The following ARHGAP35 variants were observed in gnomAD, a reference collection of about 807,000 sequenced individuals.
The protein encoded by ARHGAP35 is rho GTPase-activating protein 35.
Under a neutral mutation model 111.1 loss-of-function variants are expected in ARHGAP35, and 15 were observed. The observed-to-expected ratio is 0.13, with a 90% CI of 0.09 to 0.21. The LOEUF (loss-of-function observed/expected upper bound fraction) is 0.21. ARHGAP35 is among the 10% of genes least tolerant of loss of function. The pLI is 1.00. For missense variants in ARHGAP35, 1,262 were observed against 1,873.0 expected (o/e 0.67, Z 6.02); for synonymous variants, 643 against 710.3 (o/e 0.91, Z 1.51).
chr19:46,924,127 T>G (rs2056224938), intron 2 of ARHGAP35, among the ~76,000 whole-genome samples: 1 of 152,204 alleles, frequency 6.6e-6, no homozygotes, highest in African/African-American at 2.4e-5. Context: ...ACAGAGTTAC[T>G]TGTCTGAAAG....
At chr19:46,868,514 A>T (rs914772053) in intron 1 of ARHGAP35, among the ~76,000 whole-genome samples, 1 of 152,208 alleles carries the variant, frequency 6.6e-6, no homozygotes, top group Admixed American at 6.5e-5. Context: ...GTTCCATATC[A>T]CAGTATTTTG....
rs906859420 is a variant in ARHGAP35 at position 46,993,048 on chromosome 19, G to A, written c.4036+3373G>A. ...TTAATTTCACAGCTAGCCAGGCCCC[G>A]TGTGGACAGGGACAGATGGCAGTGG... On this transcript the variant is annotated intron_variant, in intron 5 of 6. Transcript: ENST00000672722. This position sits in a 1 kb window ranked among gnomAD's most constrained non-coding sequence, Gnocchi z 4.6. Among the ~76,000 whole-genome samples the A allele has an allele frequency of 8.5e-5, 13 of 152,230 alleles. No homozygotes were observed. The highest frequency in any genetic ancestry group is 1.2e-4 in the African/African-American group (5 of 41,462).
At chr19:46,889,959 G>T (rs1387003871) in intron 1 of ARHGAP35, among the ~76,000 whole-genome samples, 1 of 152,166 alleles carries the variant, frequency 6.6e-6, no homozygotes, top group Non-Finnish European at 1.5e-5. Flanking sequence ...AGACCCTTAA[G>T]GGGTTGGGTC....
chr19:46,916,914 T>C (rs137983623), intron 1 of ARHGAP35, among the ~76,000 whole-genome samples: 118 of 152,332 alleles, frequency 7.7e-4, no homozygotes, highest in Non-Finnish European at 1.6e-3. Context: ...TAGATTTACA[T>C]TGATAAAATA....
rs147004444 is a variant in ARHGAP35 at position 46,935,765 on chromosome 19, G to A, written c.3682-1499G>A. ...ATTTGGTTACTTTTCTTTTTTAGTA[G>A]ATATTTTAACAAAAGGCCAAAATTT... is the stretch of plus-strand genomic sequence containing the variant. On this transcript the variant is annotated intron_variant, in intron 2 of 6. Coordinates refer to ENST00000672722, the MANE Select transcript of ARHGAP35 (RefSeq NM_004491.5). 1.2e-4 allele frequency among the ~76,000 whole-genome samples: 19 copies of A among 152,252 alleles called. No homozygotes were observed. The East Asian group carries it at 3.1e-3, about 25-fold the overall frequency.
rs2056668126 is a variant in ARHGAP35, at chr19:46,989,423, C to G, written c.3905-121C>G. On this transcript the variant is annotated intron_variant, in intron 4 of 6. Coordinates refer to ENST00000672722, the MANE Select transcript of ARHGAP35 (RefSeq NM_004491.5). This position sits in a 1 kb window ranked among gnomAD's most constrained non-coding sequence, Gnocchi z 5.3. ...ACAAGTCCCACCCCTCCAATCCTTG[C>G]CAGTCCTGAGGCCGTCTCTGGCTCC... is the stretch of plus-strand genomic sequence containing the variant. 1.5e-6 allele frequency: 2 copies of G among 1,330,244 alleles called. No individual in the cohort carries two copies. Among genetic ancestry groups the G allele is most frequent in the Non-Finnish European group, 2.1e-6 (2 of 973,252 alleles). 82.4% of individuals were successfully genotyped at this position (1,330,244 alleles called of 1,614,324 possible).
intron 3 of ARHGAP35, among the ~76,000 whole-genome samples, chr19:46,963,992 C>G (rs1403716378): frequency 6.6e-6 from 1 of 151,778 alleles, no homozygotes; most frequent in African/African-American, 2.4e-5. Context: ...CTCAGCCTCC[C>G]GAGTAGCTGG....
intron 3 of ARHGAP35, among the ~76,000 whole-genome samples, chr19:46,968,010 C>T (rs1386419462): frequency 6.6e-6 from 1 of 152,220 alleles, no homozygotes; most frequent in Admixed American, 6.5e-5. Context: ...CTTCCTTCCT[C>T]AATGGATCCT....
Position 46,936,235 on chromosome 19 carries a change from C to G in ARHGAP35, c.3682-1029C>G, listed in dbSNP as rs538211131. 2.6e-5 allele frequency among the ~76,000 whole-genome samples: 4 copies of G among 152,144 alleles called. No homozygotes were observed. The South Asian group carries it at 8.3e-4, about 32-fold the overall frequency. On this transcript the variant is annotated intron_variant, in intron 2 of 6. Coordinates refer to ENST00000672722, the MANE Select transcript of ARHGAP35 (RefSeq NM_004491.5). ...CCAGCCTGAGCAACACAGGGAGACC[C>G]TGTCTGAAAATTATAATAATAATAA...
rs34970689 is a variant in ARHGAP35, at chr19:47,001,344, G to A, written c.*656G>A. 6.1e-4 allele frequency: 789 copies of A among 1,290,232 alleles called. 6 individuals carry two copies. In the African/African-American group the frequency reaches 0.011, roughly 17 times the overall value. 79.9% of individuals were successfully genotyped at this position (1,290,232 alleles called of 1,614,324 possible). Reference sequence around the variant, plus strand: ...CACCGTCCCACTCCACAGCCTTCCCGAAACATTCCCTGGCAAACAAAGGAA... The same window carrying A: ...CACCGTCCCACTCCACAGCCTTCCCAAAACATTCCCTGGCAAACAAAGGAA... On this transcript the variant is annotated 3_prime_UTR_variant, in exon 7 of 7. Coordinates refer to ENST00000672722, the MANE Select transcript of ARHGAP35 (RefSeq NM_004491.5). The surrounding 1 kb of genome is among the most constrained non-coding windows in gnomAD (Gnocchi z 5.4).
chr19:46,997,093 G>T (rs7248133), intron 5 of ARHGAP35, among the ~76,000 whole-genome samples: 48,443 of 151,942 alleles, frequency 0.32, 8,014 homozygotes, highest in Middle Eastern at 0.43. Context: ...GGAGGCAGAG[G>T]TTGCAGTGAG....
chr19:46,905,196 A>G (rs1363232061), intron 1 of ARHGAP35, among the ~76,000 whole-genome samples: 3 of 152,154 alleles, frequency 2.0e-5, no homozygotes. Context: ...TGAACCATGA[A>G]GTTTTTTGAA....
At chr19:46,984,851 G>A (rs144506625) in intron 3 of ARHGAP35, among the ~76,000 whole-genome samples, 72 of 152,262 alleles carry the variant, frequency 4.7e-4, no homozygotes, top group African/African-American at 1.3e-3. Context: ...CTCTCATGCC[G>A]GGGCCGGTGG....
intron 3 of ARHGAP35, among the ~76,000 whole-genome samples, chr19:46,974,002 A>G (rs2056566947): frequency 6.6e-6 from 1 of 152,122 alleles, no homozygotes. Context: ...TCTCAAAAAA[A>G]AAAATTGAGA....
At chr19:46,869,645 C>T (rs912169477) in intron 1 of ARHGAP35, among the ~76,000 whole-genome samples, 5 of 152,088 alleles carry the variant, frequency 3.3e-5, no homozygotes, top group Admixed American at 2.6e-4. Flanking sequence ...AAATGATTAC[C>T]ATTAATTGCC....
In ARHGAP35 at chr19:46,861,093, A is replaced by AGCCGCC. The variant is rs1020137736; in HGVS notation, c.-295_-290dup. 8.0e-5 allele frequency among the ~76,000 whole-genome samples: 12 copies of AGCCGCC among 149,490 alleles called. No individual in the cohort carries two copies. Among genetic ancestry groups the AGCCGCC allele is most frequent in the Middle Eastern group, 3.6e-3 (1 of 280 alleles). The stretch of plus-strand genomic sequence containing the variant: ...GGTCCGCCCGGCCCCCCGCCGCCGG[A>AGCCGCC]GCCGCCGCCGCCGCCTCAGCCGCCG... On this transcript the variant is annotated 5_prime_UTR_variant, in exon 1 of 7. Transcript: ENST00000672722.
chr19:46,919,752 C>A lies in ARHGAP35; in HGVS notation c.1077C>A (p.Asp359Glu). 6.2e-7 allele frequency: 1 copy of A among 1,614,020 alleles called. No individual in the cohort carries two copies. The highest frequency in any genetic ancestry group is 2.2e-5 in the East Asian group (1 of 44,886). Residue 359 changes from aspartate to glutamate, a missense_variant, in exon 2 of 7, where the codon GAC becomes GAA. Asp to Glu is a conservative substitution (Grantham distance 45, BLOSUM62 2). Coordinates refer to ENST00000672722, the MANE Select transcript of ARHGAP35 (RefSeq NM_004491.5). This position sits in a 1 kb window ranked among gnomAD's most constrained non-coding sequence, Gnocchi z 6.2. ...TTATACCTAATCTAGATGAAATAGA[C>A]CACCTAAGCTGCATAAAAGCCAAAA... The part of the protein sequence containing the change: ...EALIPNLDEI[D>E]HLSCIKAKKL...
chr19:46,986,806 A>G lies in ARHGAP35; in HGVS notation c.3827-1183A>G, dbSNP rs1362943903. On this transcript the variant is annotated intron_variant, in intron 3 of 6. Coordinates refer to ENST00000672722, the MANE Select transcript of ARHGAP35 (RefSeq NM_004491.5). This position sits in a 1 kb window ranked among gnomAD's most constrained non-coding sequence, Gnocchi z 4.3. ...AGCTTTTACTAGTTGTCAAAAAAAC[A>G]TACTTGTGAGTTAATTTTATTTATT... Among the ~76,000 whole-genome samples the G allele has an allele frequency of 6.6e-6, 1 of 152,238 alleles. No homozygotes were observed. The highest frequency in any genetic ancestry group is 1.5e-5 in the Non-Finnish European group (1 of 68,040).
intron 1 of ARHGAP35, among the ~76,000 whole-genome samples, chr19:46,878,567 C>T (rs1471171989): frequency 6.6e-6 from 1 of 152,168 alleles, no homozygotes; most frequent in Non-Finnish European, 1.5e-5. Flanking sequence ...GATTTGCCCA[C>T]CTCGGCCTCC....
Sources: allele counts gnomAD v4.1 joint callset (sites outside exome capture counted in the v4.1 genomes callset), GRCh38; gene constraint gnomAD v4.1.1; non-coding constraint Gnocchi (gnomAD v3.1); transcripts MANE v1.5; gene names NCBI Gene and HGNC (gene_info 2026-07-23, HGNC 2026-07-21).